Variants in SLC16A9 observed in about 807,000 individuals in gnomAD.
SLC16A9 encodes the protein monocarboxylate transporter 9.
Under a neutral mutation model 44.3 loss-of-function variants are expected in SLC16A9, and 26 were observed. The observed-to-expected ratio is 0.59, with a 90% CI of 0.43 to 0.81. The LOEUF is 0.81. Ranked by LOEUF, SLC16A9 falls within the 40% of genes least tolerant of loss-of-function variation. SLC16A9 has a pLI of 0.00. For synonymous variants in SLC16A9, 230 were observed against 225.1 expected, an observed-to-expected ratio of 1.02 and a Z score of -0.19; for missense variants, 559 against 595.8, an observed-to-expected ratio of 0.94 and a Z score of 0.64.
At chr10:59,661,936 A>G (rs188735311) in intron 4 of SLC16A9, among the ~76,000 whole-genome samples, 1 of 152,346 alleles carries the variant, frequency 6.6e-6, no homozygotes, top group African/African-American at 2.4e-5. Context: ...AGCCATATGC[A>G]GAAAACTGAA....
chr10:59,662,426 G>A (rs1364544497), intron 4 of SLC16A9, among the ~76,000 whole-genome samples: 1 of 151,828 alleles, frequency 6.6e-6, no homozygotes, highest in African/African-American at 2.4e-5. Flanking sequence ...CACAAGGTCA[G>A]GAGTTCAAGA....
At chr10:59,700,248 C>T (rs1340830076) in intron 1 of SLC16A9, among the ~76,000 whole-genome samples, 5 of 152,188 alleles carry the variant, frequency 3.3e-5, no homozygotes, top group African/African-American at 1.2e-4. Context: ...TAGCTGGCTA[C>T]CACCCCCTTT....
intron 2 of SLC16A9, among the ~76,000 whole-genome samples, chr10:59,683,604 CCA>C (rs1392399684): frequency 1.3e-5 from 2 of 152,136 alleles, no homozygotes; most frequent in East Asian, 3.9e-4. Context: ...TGTGATTTGA[CCA>C]CAGTGTATCT....
chr10:59,654,228 T>C lies in SLC16A9; in HGVS notation c.798A>G (p.Glu266=), dbSNP rs773995528. Residue 266 remains glutamate (E), a synonymous_variant, in exon 5 of 6, where the codon GAA becomes GAG. Coordinates refer to ENST00000395348, the MANE Select transcript of SLC16A9 (RefSeq NM_194298.3). The part of the protein sequence containing the change: ...NPTVTHTKEP[E]TYKKKVAEQT... ...GTTCTGCAACTTTCTTTTTGTACGT[T>C]TCAGGCTCTTTTGTGTGTGTCACTG... is the stretch of plus-strand genomic sequence containing the variant. The C allele has an allele frequency of 1.2e-6, 2 of 1,614,210 alleles. No individual in the cohort carries two copies. Among genetic ancestry groups the C allele is most frequent in the South Asian group, 2.2e-5 (2 of 91,082 alleles).
rs1324606852 is a variant in SLC16A9 at position 59,652,571 on chromosome 10, G to GA, written c.*200dup. 3 of 457,012 alleles carry GA rather than the reference G, an allele frequency of 6.6e-6. No individual in the cohort carries two copies. The highest frequency in any genetic ancestry group is 4.0e-5 in the Admixed American group (1 of 24,730). 28.3% of individuals were successfully genotyped at this position (457,012 alleles called of 1,614,324 possible). A position where few individuals can be genotyped will look rare whatever the true frequency, so the allele number is the denominator to read the frequency against. On this transcript the variant is annotated 3_prime_UTR_variant, in exon 6 of 6. Transcript: ENST00000395348. ...ATTGATGGTGTGGGGAGGAGAAATA[G>GA]AAAAAAATACGAGATAGAGGCTACG...
At chr10:59,698,261 T>A (rs1268931343) in intron 1 of SLC16A9, among the ~76,000 whole-genome samples, 1 of 152,194 alleles carries the variant, frequency 6.6e-6, no homozygotes, top group African/African-American at 2.4e-5. Flanking sequence ...AATAATTAGA[T>A]CCTTTCAGGA....
intron 4 of SLC16A9, among the ~76,000 whole-genome samples, chr10:59,662,358 C>A (rs1404085911): frequency 6.6e-6 from 1 of 151,484 alleles, no homozygotes; most frequent in Non-Finnish European, 1.5e-5. Flanking sequence ...GACATCTGGC[C>A]AGGCACAGTG....
At chr10:59,699,657 T>C (rs542639510) in intron 1 of SLC16A9, among the ~76,000 whole-genome samples, 208 of 152,248 alleles carry the variant, frequency 1.4e-3, no homozygotes, top group Admixed American at 5.9e-3. Flanking sequence ...GCCCAGTGCC[T>C]GGCACATAGT....
At chr10:59,667,569 T>C (rs576904421) in intron 3 of SLC16A9, among the ~76,000 whole-genome samples, 2 of 152,352 alleles carry the variant, frequency 1.3e-5, no homozygotes, top group South Asian at 4.1e-4. Flanking sequence ...TTAAGTGTCT[T>C]ATCTCTTAAT....
At chr10:59,668,885 C>G (rs1165111253) in intron 3 of SLC16A9, among the ~76,000 whole-genome samples, 2 of 151,946 alleles carry the variant, frequency 1.3e-5, no homozygotes, top group South Asian at 4.2e-4. Flanking sequence ...AAAGGGGGGG[C>G]TTATAAATCT....
intron 1 of SLC16A9, among the ~76,000 whole-genome samples, chr10:59,695,789 A>G (rs1327900502): frequency 6.6e-6 from 1 of 152,240 alleles, no homozygotes; most frequent in African/African-American, 2.4e-5. Context: ...TGAGAAAAAA[A>G]CATAAATTCA....
intron 4 of SLC16A9, 110 bp from the exon 5 acceptor site, chr10:59,654,699 C>T (rs534894384): frequency 1.2e-6 from 1 of 804,522 alleles, no homozygotes; most frequent in East Asian, 2.7e-5. Flanking sequence ...TATGTAACTT[C>T]ATATTAAAAT....
intron 1 of SLC16A9, among the ~76,000 whole-genome samples, chr10:59,691,624 CT>C (rs1441284782): frequency 3.9e-5 from 6 of 152,148 alleles, no homozygotes; most frequent in Non-Finnish European, 7.4e-5. Flanking sequence ...AAGCCAGAAC[CT>C]GTTTTGTTTA....
intron 3 of SLC16A9, among the ~76,000 whole-genome samples, chr10:59,666,977 T>C (rs1334030563): frequency 6.6e-6 from 1 of 152,068 alleles, no homozygotes; most frequent in Non-Finnish European, 1.5e-5. Context: ...TTTTTGGTAA[T>C]ATTAACCAAA....
intron 3 of SLC16A9, among the ~76,000 whole-genome samples, chr10:59,670,488 G>C (rs1344177299): frequency 6.6e-6 from 1 of 152,214 alleles, no homozygotes; most frequent in Non-Finnish European, 1.5e-5. Context: ...CAGCTGGCAA[G>C]TGGATAAAAG....
At chr10:59,663,313 A>G (rs1839525636) in intron 4 of SLC16A9, among the ~76,000 whole-genome samples, 1 of 152,110 alleles carries the variant, frequency 6.6e-6, no homozygotes, top group Non-Finnish European at 1.5e-5. Context: ...GTGAGCCAAG[A>G]TTGTGCTGTT....
intron 1 of SLC16A9, among the ~76,000 whole-genome samples, chr10:59,696,420 G>T (rs1315773489): frequency 6.6e-6 from 1 of 152,222 alleles, no homozygotes. Flanking sequence ...ATGGTGCCCA[G>T]GCTGGAGTGC....
chr10:59,664,612 G>C (rs1008850346), intron 3 of SLC16A9, among the ~76,000 whole-genome samples: 1 of 152,144 alleles, frequency 6.6e-6, no homozygotes, highest in Non-Finnish European at 1.5e-5. Context: ...GGAGAAAGAA[G>C]GAAAATGGCT....
At chr10:59,671,928 T>TCCC (rs1839759488) in intron 3 of SLC16A9, among the ~76,000 whole-genome samples, 1 of 152,228 alleles carries the variant, frequency 6.6e-6, no homozygotes, top group Non-Finnish European at 1.5e-5. Context: ...TAGCATATGA[T>TCCC]AAGTACACAG....
Sources: allele counts gnomAD v4.1 joint callset (sites outside exome capture counted in the v4.1 genomes callset), GRCh38; gene constraint gnomAD v4.1.1; transcripts MANE v1.5; gene names NCBI Gene and HGNC (gene_info 2026-07-23, HGNC 2026-07-21).